The following CRTC1 variants were observed in gnomAD, a reference collection of about 807,000 sequenced individuals.
The protein encoded by CRTC1 is CREB-regulated transcription coactivator 1.
CRTC1 carries 18 observed loss-of-function variants against 66.1 expected under a neutral mutation model. The observed-to-expected ratio is 0.27, with a 90% confidence interval of 0.19 to 0.40. CRTC1 has a LOEUF of 0.40. Ranked by LOEUF, CRTC1 falls within the 10% of genes least tolerant of loss-of-function variation. The probability of loss-of-function intolerance (pLI) is 1.00; values close to 1 mark genes in which losing one functional copy is unlikely to be tolerated. For missense variants in CRTC1, 669 were observed against 887.9 expected (o/e 0.75, Z 3.13); for synonymous variants, 416 against 398.8 (o/e 1.04, Z -0.51).
At position 18,760,750 on chromosome 19, in the gene CRTC1, C is replaced by T. The variant is rs1600975096; in HGVS notation, c.886+522C>T. The stretch of plus-strand genomic sequence containing the variant: ...CCTCGCCCGTCCCAATAGCTCCTGG[C>T]GCTGCTGCCGCCCTGCTCCCCCGGG... On this transcript the variant is annotated intron_variant, in intron 8 of 13. Transcript: ENST00000321949. This position sits in a 1 kb window ranked among gnomAD's most constrained non-coding sequence, Gnocchi z 6.2. Among the ~76,000 whole-genome samples the T allele has an allele frequency of 1.3e-5, 2 of 152,152 alleles. No individual in the cohort carries two copies. The highest frequency in any genetic ancestry group is 2.1e-4 in the South Asian group (1 of 4,818).
intron 1 of CRTC1, among the ~76,000 whole-genome samples, chr19:18,687,435 A>T (rs1319387107): frequency 6.6e-6 from 1 of 152,146 alleles, no homozygotes; most frequent in African/African-American, 2.4e-5. Context: ...TGGCTGTGCC[A>T]TCTCTGGCAG....
At chr19:18,739,761 G>GCGTC (rs1223207624) in intron 1 of CRTC1, among the ~76,000 whole-genome samples, 1 of 152,184 alleles carries the variant, frequency 6.6e-6, no homozygotes, top group African/African-American at 2.4e-5. Flanking sequence ...GCCCAAGCTG[G>GCGTC]CGTCCCACCA....
chr19:18,701,975 A>G (rs8112818), intron 1 of CRTC1, among the ~76,000 whole-genome samples: 74,284 of 141,540 alleles, frequency 0.52, 20,745 homozygotes, highest in East Asian at 0.86. Flanking sequence ...CCAGGCTGGA[A>G]TACAGTGGTG....
intron 1 of CRTC1, among the ~76,000 whole-genome samples, chr19:18,689,144 G>A (rs531965980): frequency 7.9e-5 from 12 of 151,150 alleles, no homozygotes; most frequent in Admixed American, 3.3e-4. Context: ...ACAGGGTTTT[G>A]CCATGTTGGG....
intron 1 of CRTC1, among the ~76,000 whole-genome samples, chr19:18,710,938 C>T (rs2053377273): frequency 6.6e-6 from 1 of 152,174 alleles, no homozygotes; most frequent in African/African-American, 2.4e-5. Flanking sequence ...GTTTAGGAAG[C>T]CCATGCCCAG....
intron 8 of CRTC1, among the ~76,000 whole-genome samples, chr19:18,763,710 G>A (rs935385113): frequency 2.0e-5 from 3 of 152,182 alleles, no homozygotes; most frequent in Non-Finnish European, 4.4e-5. Flanking sequence ...ACCTCGAGAC[G>A]GGCCACAGTG....
At chr19:18,762,218 C>T (rs909523993) in intron 8 of CRTC1, among the ~76,000 whole-genome samples, 4 of 152,228 alleles carry the variant, frequency 2.6e-5, no homozygotes, top group African/African-American at 4.8e-5. Flanking sequence ...AGCGCCCGCC[C>T]GGGAGCTGCG....
At chr19:18,696,216 C>T (rs900822396) in intron 1 of CRTC1, among the ~76,000 whole-genome samples, 5 of 152,130 alleles carry the variant, frequency 3.3e-5, no homozygotes, top group Non-Finnish European at 7.3e-5. Context: ...TTTGCCGTGT[C>T]ACGGAGTTCT....
rs541166002 is a variant in CRTC1, at chr19:18,732,331, A to G, written c.127-10579A>G. Reference sequence around the variant, plus strand: ...GTAAGAAGAAGAAGAGAGATCTCTAAGCACACACAGCTGGGAGAGGCCATT... The same window carrying G: ...GTAAGAAGAAGAAGAGAGATCTCTAGGCACACACAGCTGGGAGAGGCCATT... On this transcript the variant is annotated intron_variant, in intron 1 of 13. Coordinates refer to ENST00000321949, the MANE Select transcript of CRTC1 (RefSeq NM_015321.3). 2.0e-5 allele frequency among the ~76,000 whole-genome samples: 3 copies of G among 152,224 alleles called. No homozygotes were observed. The South Asian group carries it at 6.2e-4, about 32-fold the overall frequency.
intron 1 of CRTC1, among the ~76,000 whole-genome samples, chr19:18,730,248 G>A (rs2053855404): frequency 1.4e-5 from 2 of 140,414 alleles, no homozygotes; most frequent in South Asian, 2.3e-4. Context: ...TAGATCCCAC[G>A]AAGCACATCA....
At chr19:18,724,955 G>T (rs1168359994) in intron 1 of CRTC1, among the ~76,000 whole-genome samples, 1 of 151,740 alleles carries the variant, frequency 6.6e-6, no homozygotes, top group East Asian at 2.0e-4. Flanking sequence ...GTTCCCTAAG[G>T]CCTCTGACCC....
intron 1 of CRTC1, among the ~76,000 whole-genome samples, chr19:18,708,733 G>A (rs764085091): frequency 9.8e-5 from 15 of 152,312 alleles, no homozygotes; most frequent in South Asian, 4.1e-4. Flanking sequence ...CTGTGGGGCC[G>A]GCCTGGCCCT....
At chr19:18,728,277 T>G (rs1030173161) in intron 1 of CRTC1, among the ~76,000 whole-genome samples, 4 of 152,190 alleles carry the variant, frequency 2.6e-5, no homozygotes, top group Non-Finnish European at 5.9e-5. Flanking sequence ...CACCCCCTTA[T>G]GTTACTAGGT....
chr19:18,780,922 T>A lies in CRTC1; in HGVS notation c.*3540T>A, dbSNP rs1430149300. ...CCTTGAGCTGGTTTTTAACCAAACA[T>A]CCTTCCAAACTCGGGCTGCGACCTG... On this transcript the variant is annotated 3_prime_UTR_variant, in exon 14 of 14. Coordinates refer to ENST00000321949, the MANE Select transcript of CRTC1 (RefSeq NM_015321.3). The A allele has an allele frequency of 4.5e-6, 1 of 222,230 alleles. No individual in the cohort carries two copies. The highest frequency in any genetic ancestry group is 6.5e-5 in the East Asian group (1 of 15,310). 13.8% of individuals were successfully genotyped at this position (222,230 alleles called of 1,614,324 possible).
intron 1 of CRTC1, among the ~76,000 whole-genome samples, chr19:18,709,729 C>T (rs2053346028): frequency 6.6e-6 from 1 of 152,178 alleles, no homozygotes; most frequent in South Asian, 2.1e-4. Context: ...TGCTGGGACC[C>T]CAGCCTGGAA....
chr19:18,773,067 T>G (rs1205118627), intron 11 of CRTC1, among the ~76,000 whole-genome samples: 1 of 152,204 alleles, frequency 6.6e-6, no homozygotes, highest in Non-Finnish European at 1.5e-5. Flanking sequence ...CGGGTTAGTC[T>G]GCTGGGCAGC....
intron 1 of CRTC1, among the ~76,000 whole-genome samples, chr19:18,684,613 CA>C (rs2052643994): frequency 6.6e-6 from 1 of 152,102 alleles, no homozygotes; most frequent in Admixed American, 6.5e-5. Flanking sequence ...CCATGTAGCC[CA>C]TATGGTGGGG....
chr19:18,731,612 G>A (rs1401843293), intron 1 of CRTC1, among the ~76,000 whole-genome samples: 2 of 152,156 alleles, frequency 1.3e-5, no homozygotes, highest in Non-Finnish European at 2.9e-5. Context: ...ATTCATCCTG[G>A]GCTGCCTGGC....
chr19:18,779,003 G>A lies in CRTC1; in HGVS notation c.*1621G>A. The A allele has an allele frequency of 4.3e-6, 1 of 232,064 alleles. No homozygotes were observed. Among genetic ancestry groups the A allele is most frequent in the Non-Finnish European group, 8.5e-6 (1 of 117,316 alleles). The allele number at this position is 232,064 out of a possible 1,614,324, so 14.4% of individuals were successfully genotyped here. A position where few individuals can be genotyped will look rare whatever the true frequency, so the allele number is the denominator to read the frequency against. On this transcript the variant is annotated 3_prime_UTR_variant, in exon 14 of 14. Transcript: ENST00000321949. ...CTAAGACCAGGGTGACAGGGTACTT[G>A]GGAGCTGTCCTGGACCCTCCCCATA...
Sources: allele counts gnomAD v4.1 joint callset (sites outside exome capture counted in the v4.1 genomes callset), GRCh38; gene constraint gnomAD v4.1.1; non-coding constraint Gnocchi (gnomAD v3.1); transcripts MANE v1.5; gene names NCBI Gene and HGNC (gene_info 2026-07-23, HGNC 2026-07-21).